ATP8A2: variants seen among roughly 807,000 people sequenced by gnomAD.
The protein encoded by ATP8A2 is phospholipid-transporting ATPase IB.
ATP8A2 carries 100 observed loss-of-function variants against 165.6 expected under a neutral mutation model. That is an observed-to-expected ratio of 0.60 (90% CI 0.51 to 0.71). ATP8A2 has a LOEUF of 0.71. Among genes scored for constraint, ATP8A2 ranks in the 30% least tolerant of loss-of-function variants. ATP8A2 has a pLI of 0.00. For missense variants in ATP8A2, 1,227 were observed against 1,479.5 expected (o/e 0.83, Z 2.80); for synonymous variants, 543 against 548.8 (o/e 0.99, Z 0.15).
chr13:25,591,310 A>T (rs1313958115), intron 24 of ATP8A2: 3 of 456,436 alleles, frequency 6.6e-6, no homozygotes, highest in Non-Finnish European at 8.8e-6. Context: ...ACTACTCTCC[A>T]TTCCCACACC....
intron 33 of ATP8A2, among the ~76,000 whole-genome samples, chr13:25,952,475 A>G (rs1955395011): frequency 6.6e-6 from 1 of 151,526 alleles, no homozygotes; most frequent in South Asian, 2.1e-4. Flanking sequence ...TGAACTCTTG[A>G]GCCCAAGCGA....
At chr13:25,724,116 A>G (rs1252118722) in intron 25 of ATP8A2, among the ~76,000 whole-genome samples, 1 of 152,204 alleles carries the variant, frequency 6.6e-6, no homozygotes, top group Non-Finnish European at 1.5e-5. Context: ...TGAGCTCCAG[A>G]TGAGAACACA....
At chr13:25,485,308 G>A (rs1332470101) in intron 2 of ATP8A2, among the ~76,000 whole-genome samples, 1 of 152,120 alleles carries the variant, frequency 6.6e-6, no homozygotes, top group Non-Finnish European at 1.5e-5. Flanking sequence ...ATGTTGGGGA[G>A]GTACCACCAT....
At chr13:25,559,174 G>C in intron 14 of ATP8A2, 113 bp downstream of exon 14, 1 of 705,434 alleles carries the variant, frequency 1.4e-6, no homozygotes, top group South Asian at 1.9e-5. Flanking sequence ...AAAGGATAAA[G>C]TAGTTACTAT....
intron 27 of ATP8A2, among the ~76,000 whole-genome samples, chr13:25,777,673 T>C (rs940098849): frequency 1.2e-4 from 18 of 152,236 alleles, no homozygotes; most frequent in African/African-American, 3.4e-4. Context: ...AAAATACACA[T>C]GTGTGCATGC....
intron 27 of ATP8A2, 56 bp downstream of exon 27, chr13:25,775,015 G>C: frequency 9.8e-7 from 1 of 1,024,668 alleles, no homozygotes; most frequent in Non-Finnish European, 1.5e-6. Flanking sequence ...AGGATATCTT[G>C]AGGTATTTAA....
chr13:25,610,583 G>T (rs1214849714), intron 24 of ATP8A2, among the ~76,000 whole-genome samples: 2 of 152,072 alleles, frequency 1.3e-5, no homozygotes, highest in African/African-American at 4.8e-5. Context: ...GCTTAGTCTT[G>T]CTTTGGCTAT....
At chr13:25,949,408 T>C (rs921594470) in intron 33 of ATP8A2, among the ~76,000 whole-genome samples, 3 of 152,146 alleles carry the variant, frequency 2.0e-5, no homozygotes, top group African/African-American at 7.2e-5. Context: ...GTCTGAATTA[T>C]CAGGGGTTTG....
At chr13:26,007,655 C>T (rs1956769256) in intron 35 of ATP8A2, among the ~76,000 whole-genome samples, 1 of 152,158 alleles carries the variant, frequency 6.6e-6, no homozygotes. Flanking sequence ...TAAACAAAGG[C>T]AGGCTCTCAA....
intron 1 of ATP8A2, among the ~76,000 whole-genome samples, chr13:25,441,485 C>T (rs993882353): frequency 3.3e-5 from 5 of 152,138 alleles, no homozygotes; most frequent in Admixed American, 2.0e-4. Context: ...GTCAGTGCGG[C>T]GTGGACTGTG....
chr13:25,847,334 G>A (rs1021495914), intron 30 of ATP8A2, among the ~76,000 whole-genome samples: 2 of 152,166 alleles, frequency 1.3e-5, no homozygotes, highest in African/African-American at 4.8e-5. Flanking sequence ...TTTCTGTTTT[G>A]TTTTAAACCG....
intron 24 of ATP8A2, among the ~76,000 whole-genome samples, chr13:25,683,945 C>A (rs2042547550): frequency 6.6e-6 from 1 of 152,130 alleles, no homozygotes; most frequent in South Asian, 2.1e-4. Flanking sequence ...TTTCATATTT[C>A]TTCCTTAAAG....
intron 27 of ATP8A2, among the ~76,000 whole-genome samples, chr13:25,815,167 A>G (rs763471718): frequency 6.6e-6 from 1 of 152,216 alleles, no homozygotes; most frequent in Non-Finnish European, 1.5e-5. Flanking sequence ...AACACCAAAA[A>G]TATAGGCAAC....
intron 2 of ATP8A2, among the ~76,000 whole-genome samples, chr13:25,490,601 A>C (rs2036496048): frequency 6.6e-6 from 1 of 152,172 alleles, no homozygotes; most frequent in South Asian, 2.1e-4. Flanking sequence ...CACACAATAA[A>C]ACCCACTAAA....
chr13:25,852,692 C>T (rs1287227990), intron 30 of ATP8A2, among the ~76,000 whole-genome samples: 1 of 152,086 alleles, frequency 6.6e-6, no homozygotes, highest in Non-Finnish European at 1.5e-5. Flanking sequence ...TTTACAGTTT[C>T]TTGGCCGGGT....
chr13:25,896,207 T>C (rs1253705033), intron 33 of ATP8A2, among the ~76,000 whole-genome samples: 2 of 152,238 alleles, frequency 1.3e-5, no homozygotes, highest in African/African-American at 2.4e-5. Flanking sequence ...ACTTTGAATG[T>C]GTCCCAGAGA....
At chr13:25,752,993 T>C (rs573562659) in intron 25 of ATP8A2, among the ~76,000 whole-genome samples, 22 of 152,194 alleles carry the variant, frequency 1.4e-4, no homozygotes, top group Non-Finnish European at 3.2e-4. Context: ...CTCTCCCCTC[T>C]TGCACTGTGG....
chr13:25,545,068 T>A (rs1478527172), intron 10 of ATP8A2, among the ~76,000 whole-genome samples: 1 of 151,980 alleles, frequency 6.6e-6, no homozygotes, highest in Non-Finnish European at 1.5e-5. Flanking sequence ...GGGAGGCGTG[T>A]CCTTGACTTG....
At chr13:25,551,597 C>T in intron 11 of ATP8A2, 94 bp downstream of exon 11, 1 of 1,173,628 alleles carries the variant, frequency 8.5e-7, no homozygotes, top group Non-Finnish European at 1.2e-6. Flanking sequence ...CCCTGCTGTC[C>T]TTCTGTTCCC....
Sources: gnomAD v4.1 joint callset for allele counts (sites outside exome capture counted in the v4.1 genomes callset) on GRCh38, gnomAD v4.1.1 for gene constraint, MANE v1.5 for transcripts, NCBI Gene and HGNC (gene_info 2026-07-23, HGNC 2026-07-21) for gene names.